The following CDK5RAP2 variants were observed in gnomAD, a reference collection of about 807,000 sequenced individuals.
The protein encoded by CDK5RAP2 is CDK5 regulatory subunit-associated protein 2.
CDK5RAP2 carries 147 observed loss-of-function variants against 232.9 expected under a neutral mutation model. The ratio of observed to expected loss-of-function variants is 0.63; its 90% CI spans 0.55 to 0.72. The LOEUF (loss-of-function observed/expected upper bound fraction) is 0.72, where lower values mean the gene tolerates loss of function less well. CDK5RAP2 is among the 30% of genes least tolerant of loss of function. CDK5RAP2 has a pLI of 0.00. For synonymous variants in CDK5RAP2, 833 were observed against 833.7 expected, an observed-to-expected ratio of 1.00 and a Z score of 0.01; for missense variants, 2,195 against 2,231.5, an observed-to-expected ratio of 0.98 and a Z score of 0.33.
At chr9:120,459,796 T>C (rs928028477) in intron 19 of CDK5RAP2, among the ~76,000 whole-genome samples, 1 of 152,204 alleles carries the variant, frequency 6.6e-6, no homozygotes, top group African/African-American at 2.4e-5. Flanking sequence ...CTTTGCTTTC[T>C]AAAACTATCT....
intron 12 of CDK5RAP2, among the ~76,000 whole-genome samples, chr9:120,509,823 A>G (rs910013000): frequency 3.3e-5 from 5 of 152,192 alleles, no homozygotes; most frequent in African/African-American, 1.2e-4. Context: ...AACAACTAGT[A>G]AGTAATGGAG....
intron 20 of CDK5RAP2, among the ~76,000 whole-genome samples, chr9:120,455,916 G>T (rs979009905): frequency 1.3e-5 from 2 of 152,028 alleles, no homozygotes; most frequent in African/African-American, 4.8e-5. Context: ...CAAGATAAAA[G>T]TATCCAAAGA....
rs557889352 is a variant in CDK5RAP2 at position 120,548,919 on chromosome 9, G to A, written c.306+1873C>T. On this transcript the variant is annotated intron_variant, in intron 4 of 37. Transcript: ENST00000349780. ...CGCCTATAATCCAAGCACTTTGGGA[G>A]GCCAAGGCAGGTGGATCACTTGAGG... is the stretch of plus-strand genomic sequence containing the variant. Among the ~76,000 whole-genome samples the A allele has an allele frequency of 3.3e-5, 5 of 152,276 alleles. No homozygotes were observed. In the South Asian group the frequency reaches 8.3e-4, roughly 25 times the overall value.
chr9:120,567,867 C>A (rs972376424), intron 3 of CDK5RAP2, among the ~76,000 whole-genome samples: 4 of 152,186 alleles, frequency 2.6e-5, no homozygotes, highest in African/African-American at 9.7e-5. Context: ...ACAACTCTCT[C>A]CTAGTCTTAA....
chr9:120,491,169 A>ATGACATAATTAAAGCTCTAAAGTATTC (rs2038884106), intron 13 of CDK5RAP2, 138 bp downstream of exon 13: 26 of 720,960 alleles, frequency 3.6e-5, no homozygotes, highest in South Asian at 3.3e-4. Flanking sequence ...TGAAGCCCAA[A>ATGACATAATTAAAGCTCTAAAGTATTC]TGACATAATT....
chr9:120,553,929 A>AT (rs1329378605), intron 3 of CDK5RAP2, among the ~76,000 whole-genome samples: 5 of 152,098 alleles, frequency 3.3e-5, no homozygotes, highest in African/African-American at 9.7e-5. Context: ...ACTTGGCCTC[A>AT]TTTTTTAAAG....
chr9:120,429,490 G>A (rs1411899010), intron 25 of CDK5RAP2, among the ~76,000 whole-genome samples: 1 of 152,134 alleles, frequency 6.6e-6, no homozygotes, highest in Non-Finnish European at 1.5e-5. Context: ...GCCAAATCAT[G>A]AGTGAACTCC....
At chr9:120,474,975 G>T (rs2037922709) in intron 15 of CDK5RAP2, among the ~76,000 whole-genome samples, 1 of 152,184 alleles carries the variant, frequency 6.6e-6, no homozygotes, top group South Asian at 2.1e-4. Context: ...TATGCATGAT[G>T]AAATATTGAG....
intron 3 of CDK5RAP2, among the ~76,000 whole-genome samples, chr9:120,561,567 T>A (rs994989536): frequency 1.3e-5 from 2 of 152,200 alleles, no homozygotes; most frequent in African/African-American, 4.8e-5. Flanking sequence ...CCCAAAGTGC[T>A]GGGATTACAG....
intron 7 of CDK5RAP2, among the ~76,000 whole-genome samples, chr9:120,535,386 G>A (rs776971902): frequency 6.6e-6 from 1 of 152,236 alleles, no homozygotes. Flanking sequence ...GCAGACAAGA[G>A]TTGAGGAACC....
intron 18 of CDK5RAP2, among the ~76,000 whole-genome samples, chr9:120,466,430 A>C (rs909691727): frequency 6.6e-6 from 1 of 152,198 alleles, no homozygotes; most frequent in Non-Finnish European, 1.5e-5. Flanking sequence ...GGGAACATCA[A>C]ATCAAAGTAC....
chr9:120,408,142 G>T, intron 31 of CDK5RAP2: 2 of 643,938 alleles, frequency 3.1e-6, no homozygotes, highest in Non-Finnish European at 5.5e-6. Context: ...CGGCTGGCCT[G>T]GGTGCTGAGC....
At chr9:120,502,262 A>G (rs918533182) in intron 12 of CDK5RAP2, among the ~76,000 whole-genome samples, 6 of 152,254 alleles carry the variant, frequency 3.9e-5, no homozygotes, top group Admixed American at 2.0e-4. Flanking sequence ...TGTGTATGTC[A>G]TCCTAGAAAG....
At chr9:120,568,065 ACCAAAGTTGAAAACCAAAAGTTTCAC>A (rs1392969426) in intron 3 of CDK5RAP2, among the ~76,000 whole-genome samples, 1 of 152,192 alleles carries the variant, frequency 6.6e-6, no homozygotes, top group African/African-American at 2.4e-5. Flanking sequence ...AAACCTGAAA[ACCAAAGTTGAAAACCAAAAGTTTCAC>A]CCAAAGTTGA....
chr9:120,466,198 C>T (rs2037370640), intron 18 of CDK5RAP2, among the ~76,000 whole-genome samples: 1 of 152,172 alleles, frequency 6.6e-6, no homozygotes, highest in Admixed American at 6.5e-5. Context: ...TTGGGAAATG[C>T]TGTGGACAAT....
At chr9:120,393,438 AC>A (rs2032177801) in intron 36 of CDK5RAP2, among the ~76,000 whole-genome samples, 1 of 152,232 alleles carries the variant, frequency 6.6e-6, no homozygotes, top group South Asian at 2.1e-4. Context: ...GAGAACTCCT[AC>A]TTGGCAATAA....
intron 3 of CDK5RAP2, 74 bp downstream of exon 3, chr9:120,568,247 G>C (rs2042718086): frequency 8.4e-7 from 1 of 1,191,800 alleles, no homozygotes; most frequent in East Asian, 2.3e-5. Context: ...AAGAAACACA[G>C]CTTTCCTGGG....
chr9:120,570,609 G>A (rs2042818457), intron 2 of CDK5RAP2, among the ~76,000 whole-genome samples: 1 of 152,174 alleles, frequency 6.6e-6, no homozygotes, highest in African/African-American at 2.4e-5. Context: ...GGAGGCTGCG[G>A]CGGGTGGATC....
intron 12 of CDK5RAP2, among the ~76,000 whole-genome samples, chr9:120,506,491 C>T (rs541846609): frequency 6.6e-6 from 1 of 152,294 alleles, no homozygotes; most frequent in African/African-American, 2.4e-5. Flanking sequence ...AAAAATACAT[C>T]TGTAAAGAGT....
Sources: allele counts gnomAD v4.1 joint callset (sites outside exome capture counted in the v4.1 genomes callset), GRCh38; gene constraint gnomAD v4.1.1; transcripts MANE v1.5; gene names NCBI Gene and HGNC (gene_info 2026-07-23, HGNC 2026-07-21).